The following COMMD9 variants were observed in gnomAD, a reference collection of about 807,000 sequenced individuals.
COMMD9 encodes the protein COMM domain-containing protein 9.
A neutral mutation model predicts 23.4 loss-of-function variants in COMMD9; 22 were observed. The ratio of observed to expected loss-of-function variants is 0.94; its 90% CI spans 0.67 to 1.34. The LOEUF (loss-of-function observed/expected upper bound fraction) is 1.34, where lower values mean the gene tolerates loss of function less well. COMMD9 is among the 40% of genes most tolerant of loss of function. COMMD9 has a pLI of 0.00. For synonymous variants in COMMD9, 99 were observed against 97.4 expected, an observed-to-expected ratio of 1.02 and a Z score of -0.10; for missense variants, 231 against 240.2, an observed-to-expected ratio of 0.96 and a Z score of 0.25.
chr11:36,277,234 G>GC (rs2133425344), intron 3 of COMMD9, 111 bp from the exon 4 acceptor site: 1 of 637,804 alleles, frequency 1.6e-6, no homozygotes, highest in East Asian at 3.3e-5. Context: ...GTCATCACCT[G>GC]CTAACAGGAA....
At chr11:36,283,693 C>G (rs1856102820) in intron 1 of COMMD9, among the ~76,000 whole-genome samples, 1 of 152,100 alleles carries the variant, frequency 6.6e-6, no homozygotes, top group Non-Finnish European at 1.5e-5. Flanking sequence ...AAAAATAAAA[C>G]AGTAGACTTA....
chr11:36,286,784 G>T (rs542736340), intron 1 of COMMD9, among the ~76,000 whole-genome samples: 1 of 152,246 alleles, frequency 6.6e-6, no homozygotes, highest in East Asian at 1.9e-4. Flanking sequence ...TGAAAATTAG[G>T]CTGAGTGAAA....
chr11:36,278,424 AAAT>A, intron 3 of COMMD9, 50 bp downstream of exon 3: 1 of 1,512,052 alleles, frequency 6.6e-7, no homozygotes, highest in Non-Finnish European at 9.2e-7. Context: ...ATGAGAATAA[AAAT>A]AATAAGAAAT....
In COMMD9 at chr11:36,273,125, A is replaced by C. The variant is rs767880800; in HGVS notation, c.*1507T>G. ...CTCATTTAATTTAGGAAAAAAGTAC[A>C]AAGTGGGTGAAAATTGAGATGTAGA... is the stretch of plus-strand genomic sequence containing the variant. On this transcript the variant is annotated 3_prime_UTR_variant, in exon 6 of 6. Coordinates refer to ENST00000263401, the MANE Select transcript of COMMD9 (RefSeq NM_014186.4). 2 of 152,218 alleles carry C rather than the reference A, an allele frequency of 1.3e-5. No homozygotes were observed. The highest frequency in any genetic ancestry group is 2.4e-5 in the African/African-American group (1 of 41,454). The allele number at this position is 152,218 out of a possible 1,614,324, so 9.4% of individuals were successfully genotyped here. A position where few individuals can be genotyped will look rare whatever the true frequency, so the allele number is the denominator to read the frequency against.
Position 36,274,108 on chromosome 11 carries a change from T to C in COMMD9, c.*524A>G, listed in dbSNP as rs980313682. 3.5e-5 allele frequency: 13 copies of C among 368,988 alleles called. No individual in the cohort carries two copies. The highest frequency in any genetic ancestry group is 2.7e-4 in the African/African-American group (13 of 47,320). 22.9% of individuals were successfully genotyped at this position (368,988 alleles called of 1,614,324 possible). A position where few individuals can be genotyped will look rare whatever the true frequency, so the allele number is the denominator to read the frequency against. On this transcript the variant is annotated 3_prime_UTR_variant, in exon 6 of 6. Transcript: ENST00000263401. ...CCTACACTGAAGAGGGGTTCCAGTATGGTGGAGGGGGCTCAGGGAACACTC... is the reference window on the plus strand; with the variant it reads ...CCTACACTGAAGAGGGGTTCCAGTACGGTGGAGGGGGCTCAGGGAACACTC...
intron 2 of COMMD9, among the ~76,000 whole-genome samples, chr11:36,279,862 T>C (rs1454325093): frequency 6.6e-6 from 1 of 152,146 alleles, no homozygotes; most frequent in African/African-American, 2.4e-5. Context: ...TCCCAGCACT[T>C]TGGGAGGCTG....
At chr11:36,275,506 T>G (rs1418368753) in intron 5 of COMMD9, among the ~76,000 whole-genome samples, 2 of 150,932 alleles carry the variant, frequency 1.3e-5, no homozygotes, top group Non-Finnish European at 3.0e-5. Context: ...TGCAGTGGTG[T>G]GATCTCGGCT....
At position 36,276,132 on chromosome 11, in the gene COMMD9, T is replaced by C; in HGVS notation, c.456+5A>G. 4 of 1,607,608 alleles carry C rather than the reference T, an allele frequency of 2.5e-6. No individual in the cohort carries two copies. The highest frequency in any genetic ancestry group is 3.4e-6 in the Non-Finnish European group (4 of 1,174,100). ...TTCTTTCTAATGGCATGATAGTGAA[T>C]GTACCTTCATCTGGAGCAGGCAGGT... On this transcript the variant is annotated splice_donor_5th_base_variant and intron_variant, in intron 5 of 5. Coordinates refer to ENST00000263401, the MANE Select transcript of COMMD9 (RefSeq NM_014186.4).
chr11:36,276,026 T>A, intron 5 of COMMD9, 111 bp downstream of exon 5: 1 of 715,628 alleles, frequency 1.4e-6, no homozygotes, highest in South Asian at 1.6e-5. Context: ...ATAAAGGGGA[T>A]GGTAATTTAA....
At chr11:36,280,566 T>C in intron 2 of COMMD9, 146 bp downstream of exon 2, 1 of 724,250 alleles carries the variant, frequency 1.4e-6, no homozygotes, top group Non-Finnish European at 2.1e-6. Context: ...GGTACAGTTC[T>C]CCCATTCATG....
intron 2 of COMMD9, among the ~76,000 whole-genome samples, 167 bp downstream of exon 2, chr11:36,280,545 C>T (rs1436210926): frequency 6.6e-6 from 1 of 152,224 alleles, no homozygotes; most frequent in East Asian, 1.9e-4. Flanking sequence ...TGGTCAGGAG[C>T]TCTGATTCTG....
At position 36,277,117 on chromosome 11, in the gene COMMD9, A is replaced by G. The variant is rs1424018241; in HGVS notation, c.324T>C (p.Thr108=). 3.1e-6 allele frequency: 5 copies of G among 1,601,892 alleles called. No homozygotes were observed. Among genetic ancestry groups the G allele is most frequent in the Non-Finnish European group, 4.3e-6 (5 of 1,174,298 alleles). The change falls in exon 4 of 6, where the codon ACT becomes ACC. Residue 108 remains threonine, a synonymous_variant. Coordinates refer to ENST00000263401, the MANE Select transcript of COMMD9 (RefSeq NM_014186.4). ...GATTTGCCTGGGCTTCGGTTCTCCA[A>G]GTAGACCTGTTTAAGAGGGAAAGAT... is the stretch of plus-strand genomic sequence containing the variant. ...LTKIILEHVS[T]WRTEAQANQI... is the part of the protein sequence containing the mutation.
chr11:36,282,388 A>G (rs572142609), intron 1 of COMMD9, among the ~76,000 whole-genome samples: 23 of 152,300 alleles, frequency 1.5e-4, no homozygotes, highest in Admixed American at 3.9e-4. Flanking sequence ...AAAGAAAAAA[A>G]TATTTAAAGC....
intron 1 of COMMD9, among the ~76,000 whole-genome samples, chr11:36,282,748 T>TA (rs1188283425): frequency 1.3e-5 from 2 of 152,068 alleles, no homozygotes; most frequent in Admixed American, 6.6e-5. Context: ...ACAGGGTATG[T>TA]AAGAGGGGAT....
chr11:36,279,436 T>G (rs910826060), intron 2 of COMMD9, among the ~76,000 whole-genome samples: 4 of 152,214 alleles, frequency 2.6e-5, no homozygotes, highest in Admixed American at 2.0e-4. Context: ...GCTTTAGGGC[T>G]TTCTCTGATA....
chr11:36,289,359 T>TA lies in COMMD9; in HGVS notation c.51+2dup. On this transcript the variant is annotated splice_region_variant and intron_variant, in intron 1 of 5. Transcript: ENST00000263401. ...TCACGCTGTCCCCACCCCTTCGACT[T>TA]ACCTTGAGCAGGCTCTGGAGTGCTG... 2 of 1,551,556 alleles carry TA rather than the reference T, an allele frequency of 1.3e-6. No homozygotes were observed. Among genetic ancestry groups the TA allele is most frequent in the Non-Finnish European group, 1.7e-6 (2 of 1,146,884 alleles).
intron 1 of COMMD9, 82 bp downstream of exon 1, chr11:36,289,280 T>C (rs1049879642): frequency 4.4e-6 from 6 of 1,364,896 alleles, no homozygotes; most frequent in South Asian, 1.4e-5. Flanking sequence ...CAAACCAGGG[T>C]CAATTTGTTC....
intron 1 of COMMD9, among the ~76,000 whole-genome samples, chr11:36,286,940 T>C (rs529248624): frequency 8.4e-4 from 128 of 152,174 alleles, no homozygotes; most frequent in African/African-American, 2.9e-3. Context: ...AAATGTTTTG[T>C]ATTTTGACTG....
rs1855985091 is a variant in COMMD9, at chr11:36,277,088, C to T, written c.352+1G>A. 6 of 1,605,356 alleles carry T rather than the reference C, an allele frequency of 3.7e-6. No homozygotes were observed. Among genetic ancestry groups the T allele is most frequent in the Non-Finnish European group, 4.3e-6 (5 of 1,175,968 alleles). On this transcript the variant is annotated splice_donor_variant, in intron 4 of 5. Coordinates refer to ENST00000263401, the MANE Select transcript of COMMD9 (RefSeq NM_014186.4). LOFTEE classifies it high-confidence loss of function. The stretch of plus-strand genomic sequence containing the variant: ...GGAGGGGCAGATTTATTGGTACTCA[C>T]TCTGATTTGCCTGGGCTTCGGTTCT...
Sources: gnomAD v4.1 joint callset for allele counts (sites outside exome capture counted in the v4.1 genomes callset) on GRCh38, gnomAD v4.1.1 for gene constraint, MANE v1.5 for transcripts, NCBI Gene and HGNC (gene_info 2026-07-23, HGNC 2026-07-21) for gene names.